Variants in MARCHF3 observed in about 807,000 individuals in gnomAD.
The protein encoded by MARCHF3 is membrane associated ring-CH-type finger 3.
In MARCHF3, 13 loss-of-function variants were observed where a neutral mutation model predicts 24.2. That is an observed-to-expected ratio of 0.54 (90% CI 0.35 to 0.85). MARCHF3 has a LOEUF of 0.85. Ranked by LOEUF, MARCHF3 falls within the 40% of genes least tolerant of loss-of-function variation. MARCHF3 has a pLI of 0.01. For missense variants in MARCHF3, 276 were observed against 325.0 expected (o/e 0.85, Z 1.16); for synonymous variants, 144 against 137.3 (o/e 1.05, Z -0.34).
intron 1 of MARCHF3, among the ~76,000 whole-genome samples, chr5:127,028,452 T>C (rs1485742272): frequency 6.6e-6 from 1 of 152,202 alleles, no homozygotes; most frequent in Non-Finnish European, 1.5e-5. Context: ...AGACTGACTA[T>C]GAATATATGT....
chr5:126,870,699 A>G lies in MARCHF3; in HGVS notation c.696T>C (p.Pro232=). Residue 232 remains proline, a synonymous_variant, in exon 5 of 5, where the codon CCT becomes CCC. Transcript: ENST00000308660. ...ILLIPKSVNV[P]SNQPSLLGLH... ...GGCCCAGCAAGGACGGCTGGTTAGAAGGTACATTGACAGACTTTGGAATGA... is the reference window on the plus strand; with the variant it reads ...GGCCCAGCAAGGACGGCTGGTTAGAGGGTACATTGACAGACTTTGGAATGA... 6.2e-7 allele frequency: 1 copy of G among 1,614,232 alleles called. No homozygotes were observed. The highest frequency in any genetic ancestry group is 2.2e-5 in the East Asian group (1 of 44,886).
chr5:126,943,143 A>T (rs1749887904), intron 1 of MARCHF3, among the ~76,000 whole-genome samples: 1 of 152,098 alleles, frequency 6.6e-6, no homozygotes, highest in Non-Finnish European at 1.5e-5. Context: ...AAAATACAAA[A>T]ATTAGCCTGG....
At chr5:126,975,112 A>C (rs1480079911) in intron 1 of MARCHF3, among the ~76,000 whole-genome samples, 4 of 152,130 alleles carry the variant, frequency 2.6e-5, no homozygotes, top group Non-Finnish European at 4.4e-5. Flanking sequence ...GCATGCCACC[A>C]CACCCAGCTA....
At chr5:127,001,283 T>C (rs138412572) in intron 1 of MARCHF3, among the ~76,000 whole-genome samples, 3 of 152,034 alleles carry the variant, frequency 2.0e-5, no homozygotes, top group Admixed American at 6.5e-5. Flanking sequence ...GGATTTCCAA[T>C]GCCATTTGAC....
At chr5:126,896,815 A>G (rs1753935752) in intron 3 of MARCHF3, among the ~76,000 whole-genome samples, 1 of 152,010 alleles carries the variant, frequency 6.6e-6, no homozygotes, top group Admixed American at 6.6e-5. Context: ...TTACCTTTCT[A>G]GGTTAGGGGT....
chr5:126,872,070 TTGTC>T (rs1158388247), intron 4 of MARCHF3, among the ~76,000 whole-genome samples: 150 of 139,340 alleles, frequency 1.1e-3, no homozygotes, highest in Non-Finnish European at 1.8e-3. Context: ...TGAGAGATCC[TTGTC>T]TTTTTTTTTT....
intron 3 of MARCHF3, among the ~76,000 whole-genome samples, chr5:126,885,640 G>C (rs915426636): frequency 2.6e-5 from 4 of 152,128 alleles, no homozygotes; most frequent in African/African-American, 4.8e-5. Flanking sequence ...CATCTGAGAT[G>C]CCACTAGGTC....
At chr5:126,884,733 T>C (rs1322360104) in intron 3 of MARCHF3, among the ~76,000 whole-genome samples, 1 of 152,182 alleles carries the variant, frequency 6.6e-6, no homozygotes, top group Admixed American at 6.5e-5. Flanking sequence ...TGGCTGCTTC[T>C]CTCTGCCCCA....
chr5:126,980,841 T>G (rs1345650742), intron 1 of MARCHF3, among the ~76,000 whole-genome samples: 1 of 152,178 alleles, frequency 6.6e-6, no homozygotes, highest in African/African-American at 2.4e-5. Flanking sequence ...GTATTTTAAG[T>G]TTTTGTTTGT....
At chr5:126,974,830 A>C (rs377054016) in intron 1 of MARCHF3, among the ~76,000 whole-genome samples, 5 of 152,240 alleles carry the variant, frequency 3.3e-5, no homozygotes, top group African/African-American at 1.2e-4. Context: ...ATTCCAATAA[A>C]TTAATTTTAT....
At chr5:127,009,271 G>A (rs965615717) in intron 1 of MARCHF3, among the ~76,000 whole-genome samples, 3 of 152,170 alleles carry the variant, frequency 2.0e-5, no homozygotes, top group African/African-American at 7.2e-5. Flanking sequence ...CTATGTTTGA[G>A]AAAATGTAGG....
chr5:126,889,521 G>A lies in MARCHF3; in HGVS notation c.394-11127C>T, dbSNP rs1753608247. Among the ~76,000 whole-genome samples, 3 of 152,078 alleles carry A rather than the reference G, an allele frequency of 2.0e-5. No homozygotes were observed. In the South Asian group the frequency reaches 6.2e-4, roughly 32 times the overall value. On this transcript the variant is annotated intron_variant, in intron 3 of 4. Coordinates refer to ENST00000308660, the MANE Select transcript of MARCHF3 (RefSeq NM_178450.5). ...TGGAGGGATTTCAAGGAAATACAAT[G>A]CACACGGAAAACAGACGACAGAGCA...
intron 1 of MARCHF3, among the ~76,000 whole-genome samples, chr5:126,929,894 T>TTTTTG (rs1749425944): frequency 6.6e-6 from 1 of 152,212 alleles, no homozygotes; most frequent in African/African-American, 2.4e-5. Flanking sequence ...CACATGCTCT[T>TTTTTG]TTTTGTTTGC....
At chr5:126,908,072 A>G (rs994928125) in intron 3 of MARCHF3, among the ~76,000 whole-genome samples, 4 of 151,220 alleles carry the variant, frequency 2.6e-5, no homozygotes, top group African/African-American at 4.9e-5. Context: ...TTTCTCCTTC[A>G]CTTATGAAGG....
Position 126,869,870 on chromosome 5 carries a change from A to T in MARCHF3, c.*763T>A, listed in dbSNP as rs1024511947. On this transcript the variant is annotated 3_prime_UTR_variant, in exon 5 of 5. Transcript: ENST00000308660. Reference sequence around the variant, plus strand: ...GCAATCAGTGGGTTTTGTCTTTCACACACTGGATGTTTATTATTAGAAAAT... The same window carrying T: ...GCAATCAGTGGGTTTTGTCTTTCACTCACTGGATGTTTATTATTAGAAAAT... 2 of 152,470 alleles carry T rather than the reference A, an allele frequency of 1.3e-5. No individual in the cohort carries two copies. The highest frequency in any genetic ancestry group is 2.4e-5 in the African/African-American group (1 of 41,390). The allele number at this position is 152,470 out of a possible 1,614,324, so 9.4% of individuals were successfully genotyped here.
rs368583366 is a variant in MARCHF3, at chr5:126,914,279, A to G, written c.393+651T>C. Among the ~76,000 whole-genome samples, 56 of 152,184 alleles carry G rather than the reference A, an allele frequency of 3.7e-4. No individual in the cohort carries two copies. The South Asian group carries it at 9.1e-3, about 25-fold the overall frequency. ...ATTACAGACATGAGCCACCGCGCCC[A>G]GCCAAGAGTTCAATAACATTAGGTT... On this transcript the variant is annotated intron_variant, in intron 3 of 4. Coordinates refer to ENST00000308660, the MANE Select transcript of MARCHF3 (RefSeq NM_178450.5).
rs547109126 is a variant in MARCHF3, at chr5:126,922,874, C to T, written c.-56-4647G>A. 2.6e-5 allele frequency among the ~76,000 whole-genome samples: 4 copies of T among 152,236 alleles called. No individual in the cohort carries two copies. In the South Asian group the frequency reaches 8.3e-4, roughly 32 times the overall value. On this transcript the variant is annotated intron_variant, in intron 1 of 4. Coordinates refer to ENST00000308660, the MANE Select transcript of MARCHF3 (RefSeq NM_178450.5). ...TTTCTGTCTTTTAAAACTGTCTTTC[C>T]TCATGTCTGGTCAACCTCTACCACG... is the stretch of plus-strand genomic sequence containing the variant.
chr5:126,953,924 T>G (rs1739317908), intron 1 of MARCHF3, among the ~76,000 whole-genome samples: 1 of 152,226 alleles, frequency 6.6e-6, no homozygotes, highest in Non-Finnish European at 1.5e-5. Flanking sequence ...TCTAGGAGAT[T>G]TACTTGACTT....
intron 1 of MARCHF3, among the ~76,000 whole-genome samples, chr5:127,008,402 G>C (rs1275929320): frequency 6.6e-6 from 1 of 152,164 alleles, no homozygotes; most frequent in Non-Finnish European, 1.5e-5. Context: ...ACTGGGGTGA[G>C]TTTTCTTCTG....
Sources: allele counts gnomAD v4.1 joint callset (sites outside exome capture counted in the v4.1 genomes callset), GRCh38; gene constraint gnomAD v4.1.1; transcripts MANE v1.5; gene names NCBI Gene and HGNC (gene_info 2026-07-23, HGNC 2026-07-21).